TFB1M: variants seen among roughly 807,000 people sequenced by gnomAD.
TFB1M encodes the protein dimethyladenosine transferase 1, mitochondrial.
In TFB1M, 27 loss-of-function variants were observed where a neutral mutation model predicts 31.1. The observed-to-expected ratio is 0.87, with a 90% CI of 0.64 to 1.20. The LOEUF is 1.20. TFB1M is among the 50% of genes most tolerant of loss of function. The pLI, the probability that TFB1M is intolerant of heterozygous loss-of-function variation, is 0.00. For missense variants in TFB1M, 394 were observed against 418.7 expected (o/e 0.94, Z 0.51); for synonymous variants, 166 against 151.8 (o/e 1.09, Z -0.69).
intron 2 of TFB1M, among the ~76,000 whole-genome samples, chr6:155,309,699 A>G (rs887972498): frequency 1.3e-5 from 2 of 152,210 alleles, no homozygotes; most frequent in East Asian, 1.9e-4. Flanking sequence ...AGTATTCCCT[A>G]TGTCCAAAAA....
chr6:155,273,792 C>T (rs11963195), intron 5 of TFB1M, among the ~76,000 whole-genome samples: 11,919 of 152,170 alleles, frequency 0.078, 577 homozygotes, highest in Non-Finnish European at 0.099. Flanking sequence ...GGGGTGATAT[C>T]CTATCTGAAC....
chr6:155,249,609 T>C, the TFB1M span, among the ~76,000 whole-genome samples: 7 of 152,228 alleles, frequency 4.6e-5, no homozygotes, highest in East Asian at 3.8e-4. Flanking sequence ...TTATTAGTGA[T>C]ACTTTTCACT....
the TFB1M span, among the ~76,000 whole-genome samples, chr6:155,231,575 C>T: frequency 7.9e-5 from 12 of 152,332 alleles, no homozygotes; most frequent in South Asian, 2.1e-4. Flanking sequence ...CGGAGCATGC[C>T]GGTCCAGGAG....
chr6:155,264,858 T>C (rs912270585), intron 5 of TFB1M, among the ~76,000 whole-genome samples: 1 of 152,172 alleles, frequency 6.6e-6, no homozygotes, highest in Admixed American at 6.5e-5. Context: ...ATTACACCTA[T>C]TAGTAATAAC....
chr6:155,234,011 G>T, the TFB1M span, among the ~76,000 whole-genome samples: 1 of 150,508 alleles, frequency 6.6e-6, no homozygotes, highest in Non-Finnish European at 1.5e-5. Context: ...TTTGGGGGGG[G>T]GTTGGGGTTC....
At chr6:155,245,242 G>A in the TFB1M span, among the ~76,000 whole-genome samples, 4 of 152,226 alleles carry the variant, frequency 2.6e-5, no homozygotes, top group Non-Finnish European at 4.4e-5. Flanking sequence ...GTGGCAGGAA[G>A]CCCCTCCAAG....
At chr6:155,245,731 G>A in the TFB1M span, 1 of 1,519,150 alleles carries the variant, frequency 6.6e-7, no homozygotes, top group South Asian at 1.2e-5. Context: ...TCTGGAGCGA[G>A]GTAAGTTGCT....
chr6:155,307,136 TACACACACACACAC>T (rs61677970), intron 2 of TFB1M, among the ~76,000 whole-genome samples: 6 of 147,244 alleles, frequency 4.1e-5, no homozygotes, highest in Admixed American at 6.7e-5. Flanking sequence ...CTCAAACACA[TACACACACACACAC>T]ACACACACAC....
downstream of TFB1M, chr6:155,254,047 C>A: frequency 6.2e-7 from 1 of 1,614,078 alleles, no homozygotes; most frequent in Non-Finnish European, 8.5e-7. Flanking sequence ...AACCATCTTT[C>A]AGTTGTGTTG....
the TFB1M span, among the ~76,000 whole-genome samples, chr6:155,239,578 G>A: frequency 6.6e-6 from 1 of 152,274 alleles, no homozygotes; most frequent in African/African-American, 2.4e-5. Flanking sequence ...CAGATAGGCT[G>A]TCTTTGAGAA....
At chr6:155,249,232 T>C in the TFB1M span, among the ~76,000 whole-genome samples, 1 of 152,236 alleles carries the variant, frequency 6.6e-6, no homozygotes. Context: ...ATAATGTATC[T>C]CTCATATTCC....
chr6:155,281,615 G>A (rs2782301), intron 5 of TFB1M, among the ~76,000 whole-genome samples: 88,178 of 151,370 alleles, frequency 0.58, 26,645 homozygotes, highest in East Asian at 0.84. Flanking sequence ...CCAGCTACTC[G>A]GAAGGCTGAG....
intron 5 of TFB1M, among the ~76,000 whole-genome samples, chr6:155,274,397 C>T (rs901269540): frequency 3.3e-5 from 5 of 152,176 alleles, no homozygotes; most frequent in Admixed American, 3.3e-4. Flanking sequence ...AGTAGGTGGT[C>T]TTTTCCTTCC....
chr6:155,261,216 G>A (rs2281838), intron 5 of TFB1M, among the ~76,000 whole-genome samples: 9,608 of 152,236 alleles, frequency 0.063, 379 homozygotes, highest in East Asian at 0.18. Flanking sequence ...ACACAAAAAT[G>A]CTAACGGAGA....
chr6:155,230,999 ATT>A, the TFB1M span, among the ~76,000 whole-genome samples: 132 of 146,844 alleles, frequency 9.0e-4, no homozygotes, highest in African/African-American at 1.1e-3. Flanking sequence ...AGCCTGGCTA[ATT>A]TTTTTTTTTT....
At chr6:155,310,060 GCACA>G (rs1232761595) in intron 2 of TFB1M, among the ~76,000 whole-genome samples, 2 of 152,056 alleles carry the variant, frequency 1.3e-5, no homozygotes, top group Non-Finnish European at 2.9e-5. Flanking sequence ...TCAGATACAT[GCACA>G]CAAAGTTCTA....
intron 5 of TFB1M, among the ~76,000 whole-genome samples, chr6:155,262,387 G>A (rs551342966): frequency 6.6e-6 from 1 of 152,234 alleles, no homozygotes; most frequent in South Asian, 2.1e-4. Context: ...TGTCAGGCAT[G>A]TGTCTGGCCA....
rs189921343 is a variant in TFB1M, at chr6:155,274,343, G to A, written c.666+10815C>T. Among the ~76,000 whole-genome samples, 16 of 152,318 alleles carry A rather than the reference G, an allele frequency of 1.1e-4. No individual in the cohort carries two copies. In the East Asian group the frequency reaches 3.1e-3, roughly 29 times the overall value. Reference sequence around the variant, plus strand: ...ATAGGGGAACAGGAATAGAAAGATGGAATCGAAAGCCTTTTTGTTTCTTAA... The same window carrying A: ...ATAGGGGAACAGGAATAGAAAGATGAAATCGAAAGCCTTTTTGTTTCTTAA... On this transcript the variant is annotated intron_variant, in intron 5 of 6. Coordinates refer to ENST00000367166, the MANE Select transcript of TFB1M (RefSeq NM_016020.4).
chr6:155,292,813 G>C (rs1776993909), intron 4 of TFB1M, among the ~76,000 whole-genome samples: 1 of 152,098 alleles, frequency 6.6e-6, no homozygotes, highest in Non-Finnish European at 1.5e-5. Context: ...AGCAGGCAAG[G>C]ATCTTAAAAC....
Sources: allele counts gnomAD v4.1 joint callset (sites outside exome capture counted in the v4.1 genomes callset), GRCh38; gene constraint gnomAD v4.1.1; transcripts MANE v1.5; gene names NCBI Gene and HGNC (gene_info 2026-07-23, HGNC 2026-07-21).